FMN1: variants seen among roughly 807,000 people sequenced by gnomAD.
FMN1 encodes the protein formin 1.
Under a neutral mutation model 132.4 loss-of-function variants are expected in FMN1, and 110 were observed. The observed-to-expected ratio is 0.83, with a 90% CI of 0.71 to 0.97. FMN1 has a LOEUF of 0.97. Ranked by LOEUF, FMN1 falls within the 50% of genes least tolerant of loss-of-function variation. FMN1 has a pLI of 0.00. For missense variants in FMN1, 1,792 were observed against 1,705.3 expected (o/e 1.05, Z -0.90); for synonymous variants, 722 against 651.7 (o/e 1.11, Z -1.64).
At chr15:32,980,307 GAA>G (rs58235101) in intron 7 of FMN1, among the ~76,000 whole-genome samples, 2 of 134,520 alleles carry the variant, frequency 1.5e-5, no homozygotes, top group Admixed American at 7.5e-5. Flanking sequence ...AGGTCAGTTT[GAA>G]AAAAAAAAAA....
At chr15:33,152,486 G>A (rs1213687436) in intron 4 of FMN1, among the ~76,000 whole-genome samples, 2 of 152,062 alleles carry the variant, frequency 1.3e-5, no homozygotes, top group Non-Finnish European at 2.9e-5. Context: ...ATTCCTTCCT[G>A]TTCTGTTAAA....
intron 7 of FMN1, among the ~76,000 whole-genome samples, chr15:32,990,257 C>T (rs950385716): frequency 6.6e-6 from 1 of 152,010 alleles, no homozygotes; most frequent in Non-Finnish European, 1.5e-5. Flanking sequence ...CACAATTTGG[C>T]GTGCTGCAGA....
intron 19 of FMN1, among the ~76,000 whole-genome samples, chr15:32,792,627 C>T (rs528691272): frequency 1.3e-5 from 2 of 152,270 alleles, no homozygotes; most frequent in East Asian, 3.9e-4. Context: ...GGACATGGCT[C>T]CCAGCTAAGC....
chr15:33,092,774 A>G (rs1401247134), intron 4 of FMN1, among the ~76,000 whole-genome samples: 1 of 152,218 alleles, frequency 6.6e-6, no homozygotes, highest in Non-Finnish European at 1.5e-5. Flanking sequence ...TGCTCCCACT[A>G]GAAGCACTGT....
At chr15:33,174,954 T>C (rs977583823) in intron 3 of FMN1, among the ~76,000 whole-genome samples, 5 of 152,234 alleles carry the variant, frequency 3.3e-5, no homozygotes, top group African/African-American at 1.2e-4. Flanking sequence ...TTTGTTACAC[T>C]GAGAACTTTT....
chr15:33,169,194 C>G (rs1397832173), intron 3 of FMN1, among the ~76,000 whole-genome samples: 2 of 152,254 alleles, frequency 1.3e-5, no homozygotes, highest in African/African-American at 4.8e-5. Context: ...ATTAGAATGA[C>G]TGGCTTGAAA....
chr15:33,058,425 G>C (rs2037333462), intron 6 of FMN1, among the ~76,000 whole-genome samples: 1 of 152,078 alleles, frequency 6.6e-6, no homozygotes, highest in Non-Finnish European at 1.5e-5. Flanking sequence ...AAAAATGTTT[G>C]CTCATGTACC....
chr15:32,822,755 A>C (rs1413176387), intron 17 of FMN1, among the ~76,000 whole-genome samples: 1 of 152,182 alleles, frequency 6.6e-6, no homozygotes, highest in African/African-American at 2.4e-5. Context: ...TCATCAACTC[A>C]AATTTTAATT....
At chr15:33,169,912 AC>A in intron 3 of FMN1, among the ~76,000 whole-genome samples, 1 of 152,014 alleles carries the variant, frequency 6.6e-6, no homozygotes, top group Non-Finnish European at 1.5e-5. Flanking sequence ...ATAACAAATC[AC>A]TTTTCCAGTT....
chr15:33,018,138 T>C (rs1034997917), intron 6 of FMN1, among the ~76,000 whole-genome samples: 2 of 152,032 alleles, frequency 1.3e-5, no homozygotes, highest in Non-Finnish European at 2.9e-5. Context: ...AGATGGAGCC[T>C]TTGGGAGGTG....
At chr15:33,139,595 A>G (rs923247202) in intron 4 of FMN1, among the ~76,000 whole-genome samples, 1 of 152,248 alleles carries the variant, frequency 6.6e-6, no homozygotes, top group African/African-American at 2.4e-5. Context: ...CTGTCTCTAA[A>G]TAAATAAACA....
At chr15:32,920,425 T>TA (rs1271258443) in intron 10 of FMN1, among the ~76,000 whole-genome samples, 1 of 152,170 alleles carries the variant, frequency 6.6e-6, no homozygotes, top group Non-Finnish European at 1.5e-5. Flanking sequence ...GCTTTTCCTT[T>TA]AGTGATTCAG....
At chr15:32,887,064 C>A (rs1481126270) in intron 16 of FMN1, among the ~76,000 whole-genome samples, 1 of 152,136 alleles carries the variant, frequency 6.6e-6, no homozygotes, top group East Asian at 1.9e-4. Context: ...AACCATTATC[C>A]TTTCCATGTA....
intron 16 of FMN1, among the ~76,000 whole-genome samples, chr15:32,872,866 A>G (rs758116515): frequency 1.1e-4 from 16 of 152,202 alleles, no homozygotes; most frequent in Non-Finnish European, 2.1e-4. Flanking sequence ...TCTACTCTGG[A>G]AAGTGTTTAC....
intron 17 of FMN1, among the ~76,000 whole-genome samples, chr15:32,831,024 T>G (rs2058488021): frequency 6.6e-6 from 1 of 152,180 alleles, no homozygotes; most frequent in Non-Finnish European, 1.5e-5. Context: ...ACCCCCATGC[T>G]GGATTCTTAA....
chr15:32,969,385 C>T lies in FMN1; in HGVS notation c.2316G>A (p.Glu772=), dbSNP rs752519357. Residue 772 remains glutamate, a synonymous_variant, in exon 8 of 21, where the codon GAG becomes GAA. Transcript: ENST00000616417. The part of the protein sequence containing the change: ...LEETIENLKH[E]LEHRWRGGCE... ...AACCCCCTCGCCATCTGTGTTCTAG[C>T]TCGTGTTTCAGATTTTCAATGGTTT... The T allele has an allele frequency of 6.2e-7, 1 of 1,613,934 alleles. No individual in the cohort carries two copies. The highest frequency in any genetic ancestry group is 8.5e-7 in the Non-Finnish European group (1 of 1,179,888).
At chr15:32,910,156 T>C (rs955308035) in intron 11 of FMN1, among the ~76,000 whole-genome samples, 1 of 152,200 alleles carries the variant, frequency 6.6e-6, no homozygotes, top group African/African-American at 2.4e-5. Flanking sequence ...CAGTGCACGC[T>C]ATCATTTCAG....
chr15:32,855,063 C>G (rs1246608095), intron 17 of FMN1, among the ~76,000 whole-genome samples: 2 of 147,560 alleles, frequency 1.4e-5, no homozygotes, highest in Non-Finnish European at 3.0e-5. Flanking sequence ...TAACCTATAG[C>G]AGGCTCAGAA....
At chr15:32,785,216 ATATTTTTTTT>A (rs1437297100) in intron 19 of FMN1, among the ~76,000 whole-genome samples, 1,130 of 20,106 alleles carry the variant, frequency 0.056, 113 homozygotes, top group African/African-American at 0.15. Flanking sequence ...ATATATATAT[ATATTTTTTTT>A]TTTTTTTTTT....
Sources: allele counts gnomAD v4.1 joint callset (sites outside exome capture counted in the v4.1 genomes callset), GRCh38; gene constraint gnomAD v4.1.1; transcripts MANE v1.5; gene names NCBI Gene and HGNC (gene_info 2026-07-23, HGNC 2026-07-21).